The following LRRD1 variants were observed in gnomAD, a reference collection of about 807,000 sequenced individuals.
LRRD1 encodes leucine-rich repeat and death domain-containing protein 1.
A neutral mutation model predicts 69.5 loss-of-function variants in LRRD1; 49 were observed. The observed-to-expected ratio is 0.70, with a 90% confidence interval of 0.56 to 0.89. LRRD1 has a LOEUF of 0.89. LRRD1 is among the 40% of genes least tolerant of loss of function. The pLI is 0.00. For synonymous variants in LRRD1, 303 were observed against 338.9 expected, an observed-to-expected ratio of 0.89 and a Z score of 1.16; for missense variants, 853 against 956.0, an observed-to-expected ratio of 0.89 and a Z score of 1.42.
intron 1 of LRRD1, 40 bp from the exon 2 acceptor site, chr7:92,165,316 TC>T: frequency 2.0e-6 from 1 of 495,664 alleles, no homozygotes; most frequent in Non-Finnish European, 3.3e-6. Flanking sequence ...GTAAGAGATG[TC>T]AAAATGACAA....
downstream of LRRD1, among the ~76,000 whole-genome samples, chr7:92,144,550 CCAGAAGGCAGAGGTTG>C (rs1365637191): frequency 6.7e-6 from 1 of 149,650 alleles, no homozygotes; most frequent in Non-Finnish European, 1.5e-5. Flanking sequence ...TCACTTGAAC[CCAGAAGGCAGAGGTTG>C]CAGTGAGCCA....
chr7:92,143,946 A>G (rs1820244461), downstream of LRRD1, among the ~76,000 whole-genome samples: 1 of 152,236 alleles, frequency 6.6e-6, no homozygotes, highest in Non-Finnish European at 1.5e-5. Context: ...GAAGATATTG[A>G]TGTTAGTGCT....
intron 1 of LRRD1, among the ~76,000 whole-genome samples, chr7:92,174,209 AGGT>A (rs1789115142): frequency 6.6e-6 from 1 of 151,932 alleles, no homozygotes; most frequent in Non-Finnish European, 1.5e-5. Flanking sequence ...GTTGATTAAT[AGGT>A]ACAAATAAAC....
intron 3 of LRRD1, among the ~76,000 whole-genome samples, chr7:92,154,795 G>T (rs1480325118): frequency 6.6e-6 from 1 of 152,030 alleles, no homozygotes. Flanking sequence ...TTCTCTGTTG[G>T]ATTACAGTAG....
chr7:92,164,653 A>G lies in LRRD1; in HGVS notation c.550T>C (p.Ser184Pro). 1 of 1,551,784 alleles carries G rather than the reference A, an allele frequency of 6.4e-7. No individual in the cohort carries two copies. The highest frequency in any genetic ancestry group is 2.0e-5 in the Admixed American group (1 of 51,006). Reference sequence around the variant, plus strand: ...ATTTCAAGTCCTAACAGATCACCTGAGTCTGCCCCTTGAAATGTTTTGATT... The same window carrying G: ...ATTTCAAGTCCTAACAGATCACCTGGGTCTGCCCCTTGAAATGTTTTGATT... Reference protein sequence around the residue: ...NQIKTFQGADSGDLLGLEILS... With the variant: ...NQIKTFQGADPGDLLGLEILS... The change falls in exon 2 of 6, where the codon TCA (serine) becomes CCA (proline). Residue 184 changes from serine (S) to proline (P), a missense_variant. This residue lies in a region of LRRD1 where 739 missense variants were observed against 808.0 expected (regional missense o/e 0.91). Coordinates refer to ENST00000458448, the MANE Select transcript of LRRD1 (RefSeq NM_001161528.2).
Position 92,145,015 on chromosome 7 carries a change from T to C in LRRD1, c.2456A>G (p.Asn819Ser), listed in dbSNP as rs1820282643. The stretch of plus-strand genomic sequence containing the variant: ...AGCAGCAGCAGTTAGTGATAACTTG[T>C]TACTTTGTGTTTTCCATATAACAAG... ...QALVIWKTQSNKLSLTAAALR... is the reference protein window; with the variant it reads ...QALVIWKTQSSKLSLTAAALR... The change falls in exon 6 of 6, where the codon AAC (asparagine) becomes AGC (serine). Residue 819 changes from asparagine to serine, a missense_variant. Coordinates refer to ENST00000458448, the MANE Select transcript of LRRD1 (RefSeq NM_001161528.2). 6.5e-7 allele frequency: 1 copy of C among 1,535,220 alleles called. No homozygotes were observed. Among genetic ancestry groups the C allele is most frequent in the African/African-American group, 1.4e-5 (1 of 72,932 alleles).
At chr7:92,142,128 G>A (rs963198982), downstream of LRRD1, 3 of 179,042 alleles carry the variant, frequency 1.7e-5, no homozygotes, top group African/African-American at 7.2e-5. Context: ...ATTTTTAGTA[G>A]AGACAGGGTT....
chr7:92,172,707 A>G (rs949920819), intron 1 of LRRD1, among the ~76,000 whole-genome samples: 2 of 152,208 alleles, frequency 1.3e-5, no homozygotes, highest in African/African-American at 4.8e-5. Context: ...AAAAAATGGA[A>G]AGACATTCTA....
At chr7:92,143,462 G>A (rs528729608), downstream of LRRD1, among the ~76,000 whole-genome samples, 8 of 152,322 alleles carry the variant, frequency 5.3e-5, no homozygotes, top group African/African-American at 1.9e-4. Flanking sequence ...AGGAGCCCAC[G>A]GAAGTGGGGG....
At chr7:92,142,699 C>G (rs189152707), downstream of LRRD1, 290 of 406,120 alleles carry the variant, frequency 7.1e-4, 1 homozygote, top group African/African-American at 5.5e-3. Context: ...GGATCGTGGT[C>G]TCGCTGGCTC....
Position 92,163,349 on chromosome 7 carries a change from A to G in LRRD1, c.1854T>C (p.Pro618=). Residue 618 remains proline (P), a synonymous_variant, in exon 2 of 6, where the codon CCT becomes CCC. Coordinates refer to ENST00000458448, the MANE Select transcript of LRRD1 (RefSeq NM_001161528.2). ...GTGATTGAAGTTGGCACAGTTCAAT[A>G]GGAAAATGTATAAATTGATTGCTTG... ...NFSSNQFIHF[P]IELCQLQSLE... is the part of the protein sequence containing the mutation. The G allele has an allele frequency of 6.5e-7, 1 of 1,539,372 alleles. No individual in the cohort carries two copies. Among genetic ancestry groups the G allele is most frequent in the Non-Finnish European group, 8.7e-7 (1 of 1,143,312 alleles).
At chr7:92,172,448 G>A (rs1396077586) in intron 1 of LRRD1, among the ~76,000 whole-genome samples, 2 of 151,990 alleles carry the variant, frequency 1.3e-5, no homozygotes, top group East Asian at 3.9e-4. Flanking sequence ...AAAATCTAAA[G>A]ACTCCACTAA....
downstream of LRRD1, chr7:92,142,175 C>T (rs1052182739): frequency 4.0e-6 from 1 of 251,084 alleles, no homozygotes; most frequent in Admixed American, 5.1e-5. Context: ...ATCTCCTGAC[C>T]TCGTGATCTG....
chr7:92,147,373 A>G (rs1820354725), intron 4 of LRRD1, among the ~76,000 whole-genome samples: 1 of 152,120 alleles, frequency 6.6e-6, no homozygotes, highest in Admixed American at 6.5e-5. Flanking sequence ...GGGCCTATTT[A>G]TAAGCAACTT....
intron 1 of LRRD1, among the ~76,000 whole-genome samples, chr7:92,173,504 A>G (rs1284202933): frequency 6.6e-6 from 1 of 152,182 alleles, no homozygotes; most frequent in African/African-American, 2.4e-5. Context: ...AAAGGAAAAA[A>G]AATCTGATTT....
chr7:92,170,287 C>T (rs914980061), intron 1 of LRRD1, among the ~76,000 whole-genome samples: 1 of 151,890 alleles, frequency 6.6e-6, no homozygotes, highest in Non-Finnish European at 1.5e-5. Flanking sequence ...TATTGATATC[C>T]AAGAGGGAGC....
intron 1 of LRRD1, among the ~76,000 whole-genome samples, chr7:92,169,239 G>A (rs1463016294): frequency 6.6e-6 from 1 of 151,886 alleles, no homozygotes; most frequent in Non-Finnish European, 1.5e-5. Context: ...TTAAGGCAGT[G>A]ATCTCAAAAT....
chr7:92,162,947 T>C (rs772724372), intron 2 of LRRD1, among the ~76,000 whole-genome samples: 7 of 152,218 alleles, frequency 4.6e-5, no homozygotes, highest in Non-Finnish European at 7.3e-5. Flanking sequence ...TTTGTCTTAC[T>C]TTTATCACTT....
chr7:92,168,683 A>G (rs942977579), intron 1 of LRRD1, among the ~76,000 whole-genome samples: 1 of 152,158 alleles, frequency 6.6e-6, no homozygotes, highest in Non-Finnish European at 1.5e-5. Context: ...AAAAGAAAGA[A>G]TCAACAAGTA....
Sources: gnomAD v4.1 joint callset for allele counts (sites outside exome capture counted in the v4.1 genomes callset) on GRCh38, gnomAD v4.1.1 for gene constraint, gnomAD v4.1.1 regional missense constraint, MANE v1.5 for transcripts, NCBI Gene and HGNC (gene_info 2026-07-23, HGNC 2026-07-21) for gene names.